Variants in KCND2 observed in about 807,000 individuals in gnomAD.
The protein encoded by KCND2 is A-type voltage-gated potassium channel KCND2.
A neutral mutation model predicts 54.4 loss-of-function variants in KCND2; 16 were observed. That is an observed-to-expected ratio of 0.29 (90% CI 0.20 to 0.45). The LOEUF (loss-of-function observed/expected upper bound fraction) is 0.45, where lower values mean the gene tolerates loss of function less well. KCND2 is among the 20% of genes least tolerant of loss of function. The pLI is 1.00. For synonymous variants in KCND2, 317 were observed against 310.7 expected, an observed-to-expected ratio of 1.02 and a Z score of -0.21; for missense variants, 486 against 824.2, an observed-to-expected ratio of 0.59 and a Z score of 5.02.
At chr7:120,550,419 A>G (rs1792091804) in intron 1 of KCND2, among the ~76,000 whole-genome samples, 1 of 152,048 alleles carries the variant, frequency 6.6e-6, no homozygotes, top group South Asian at 2.1e-4. Context: ...ATTGCCCATC[A>G]CCCCATTTCA....
At chr7:120,641,398 C>G (rs1261615152) in intron 1 of KCND2, among the ~76,000 whole-genome samples, 1 of 152,140 alleles carries the variant, frequency 6.6e-6, no homozygotes, top group Non-Finnish European at 1.5e-5. Flanking sequence ...TCCAGCCAAG[C>G]CTTCCCCTCC....
At chr7:120,602,545 C>T (rs1388379813) in intron 1 of KCND2, among the ~76,000 whole-genome samples, 1 of 152,100 alleles carries the variant, frequency 6.6e-6, no homozygotes, top group Non-Finnish European at 1.5e-5. Flanking sequence ...TAGGACACCC[C>T]CTTTCAACTA....
chr7:120,664,619 G>T (rs1341079827), intron 1 of KCND2, among the ~76,000 whole-genome samples: 2 of 152,034 alleles, frequency 1.3e-5, no homozygotes, highest in African/African-American at 4.8e-5. Flanking sequence ...AATATTTTGA[G>T]ATAGTTTTAT....
At chr7:120,509,586 C>T (rs1778173334) in intron 1 of KCND2, among the ~76,000 whole-genome samples, 1 of 152,056 alleles carries the variant, frequency 6.6e-6, no homozygotes, top group Admixed American at 6.6e-5. Context: ...CACAGCGGTT[C>T]TGTGGCTTTT....
rs141042412 is a variant in KCND2, at chr7:120,403,215, A to G, written c.1115+127468A>G. ...AAAAGAGAGAATTTGTGACTGAGAG[A>G]AGAGGATACTCTTCTCCCTCTGCCA... On this transcript the variant is annotated intron_variant, in intron 1 of 5. Coordinates refer to ENST00000331113, the MANE Select transcript of KCND2 (RefSeq NM_012281.3). 2.0e-4 allele frequency among the ~76,000 whole-genome samples: 31 copies of G among 152,260 alleles called. 1 individual carries two copies. The East Asian group carries it at 5.8e-3, about 28-fold the overall frequency.
intron 1 of KCND2, among the ~76,000 whole-genome samples, chr7:120,410,557 C>G (rs1011794421): frequency 2.6e-5 from 4 of 151,748 alleles, no homozygotes; most frequent in Non-Finnish European, 4.4e-5. Context: ...AATTCTTTTT[C>G]TTATTATACT....
intron 1 of KCND2, among the ~76,000 whole-genome samples, chr7:120,667,049 T>G (rs2116567653): frequency 6.6e-6 from 1 of 152,102 alleles, no homozygotes; most frequent in East Asian, 1.9e-4. Context: ...TGCAAAAGAC[T>G]TCATAAGAAG....
At chr7:120,547,790 G>A (rs1352839291) in intron 1 of KCND2, among the ~76,000 whole-genome samples, 3 of 152,018 alleles carry the variant, frequency 2.0e-5, no homozygotes, top group South Asian at 2.1e-4. Context: ...ATGTCATCAC[G>A]TGATTGATGT....
intron 1 of KCND2, among the ~76,000 whole-genome samples, chr7:120,364,861 A>G (rs1800644301): frequency 1.3e-5 from 2 of 152,096 alleles, no homozygotes; most frequent in African/African-American, 2.4e-5. Context: ...CTAAAACTGT[A>G]TTTGACAAAG....
In KCND2 at chr7:120,712,241, A is replaced by ATTTTTTTTTTTT. The variant is rs869059871; in HGVS notation, c.1116-20633_1116-20622dup. On this transcript the variant is annotated intron_variant, in intron 1 of 5. Coordinates refer to ENST00000331113, the MANE Select transcript of KCND2 (RefSeq NM_012281.3). ...TTTTCTTTGAATTTTGGATATCTGA[A>ATTTTTTTTTTTT]TTTTTTTTTTTTTTTTTTTTTTTTT... is the stretch of plus-strand genomic sequence containing the variant. 9.5e-4 allele frequency among the ~76,000 whole-genome samples: 33 copies of ATTTTTTTTTTTT among 34,784 alleles called. 13 individuals are homozygous for ATTTTTTTTTTTT. Among genetic ancestry groups the ATTTTTTTTTTTT allele is most frequent in the Non-Finnish European group, 1.2e-3 (23 of 18,962 alleles). 22.8% of individuals were successfully genotyped at this position (34,784 alleles called of 152,430 possible). A position where few individuals can be genotyped will look rare whatever the true frequency, so the allele number is the denominator to read the frequency against.
chr7:120,407,067 A>C (rs1054250478), intron 1 of KCND2, among the ~76,000 whole-genome samples: 1 of 151,984 alleles, frequency 6.6e-6, no homozygotes, highest in Non-Finnish European at 1.5e-5. Flanking sequence ...AATGAAAAAA[A>C]AAATTTCCTA....
intron 1 of KCND2, among the ~76,000 whole-genome samples, chr7:120,555,634 G>T (rs936102394): frequency 6.6e-6 from 1 of 152,172 alleles, no homozygotes; most frequent in East Asian, 1.9e-4. Flanking sequence ...GAGTGTAAAA[G>T]CAGACTTTAT....
intron 1 of KCND2, among the ~76,000 whole-genome samples, chr7:120,658,527 C>A (rs1291067298): frequency 6.6e-6 from 1 of 152,112 alleles, no homozygotes; most frequent in Admixed American, 6.6e-5. Flanking sequence ...CAATATTATT[C>A]TCCCTTCATT....
At chr7:120,525,802 C>A (rs1791764874) in intron 1 of KCND2, among the ~76,000 whole-genome samples, 1 of 152,118 alleles carries the variant, frequency 6.6e-6, no homozygotes, top group Non-Finnish European at 1.5e-5. Context: ...TGACCCACAC[C>A]ACCTCAGTGA....
intron 1 of KCND2, among the ~76,000 whole-genome samples, chr7:120,289,043 C>CAT (rs1799391519): frequency 7.2e-6 from 1 of 138,412 alleles, no homozygotes; most frequent in African/African-American, 3.2e-5. Context: ...CACAAACACA[C>CAT]ACACACACAC....
intron 1 of KCND2, among the ~76,000 whole-genome samples, chr7:120,335,517 C>T (rs867973705): frequency 4.0e-5 from 6 of 150,638 alleles, no homozygotes; most frequent in African/African-American, 7.3e-5. Flanking sequence ...GACAGAGTCT[C>T]GCTCTGTCGC....
chr7:120,287,194 T>C (rs1423208853), intron 1 of KCND2, among the ~76,000 whole-genome samples: 1 of 152,066 alleles, frequency 6.6e-6, no homozygotes, highest in African/African-American at 2.4e-5. Flanking sequence ...CATATACAAA[T>C]TTTTATAAAG....
chr7:120,481,064 T>G (rs1802601618), intron 1 of KCND2, among the ~76,000 whole-genome samples: 1 of 152,214 alleles, frequency 6.6e-6, no homozygotes, highest in African/African-American at 2.4e-5. Context: ...GTGAACACAA[T>G]GCTGGTAGAA....
intron 1 of KCND2, among the ~76,000 whole-genome samples, chr7:120,577,550 A>ACAG (rs904710208): frequency 4.6e-5 from 7 of 151,934 alleles, no homozygotes; most frequent in African/African-American, 1.7e-4. Flanking sequence ...AACGACAACA[A>ACAG]CAACCGCAAA....
Sources: allele counts gnomAD v4.1 joint callset (sites outside exome capture counted in the v4.1 genomes callset), GRCh38; gene constraint gnomAD v4.1.1; transcripts MANE v1.5; gene names NCBI Gene and HGNC (gene_info 2026-07-23, HGNC 2026-07-21).